Variants in RYR3 observed in about 807,000 individuals in gnomAD.
The protein encoded by RYR3 is ryanodine receptor 3.
Under a neutral mutation model 584.3 loss-of-function variants are expected in RYR3, and 207 were observed. The observed-to-expected ratio is 0.35, with a 90% CI of 0.32 to 0.40. The LOEUF (loss-of-function observed/expected upper bound fraction) is 0.40, where lower values mean the gene tolerates loss of function less well. Among genes scored for constraint, RYR3 ranks in the 10% least tolerant of loss-of-function variants. The pLI is 1.00. For missense variants in RYR3, 5,616 were observed against 6,089.2 expected (o/e 0.92, Z 2.59); for synonymous variants, 2,416 against 2,248.5 (o/e 1.07, Z -2.11).
chr15:33,495,205 A>G (rs375013254), intron 2 of RYR3, among the ~76,000 whole-genome samples: 5 of 152,234 alleles, frequency 3.3e-5, no homozygotes, highest in South Asian at 2.1e-4. Context: ...GGTACACTCA[A>G]TAACGGGGTA....
At chr15:33,817,848 C>G (rs929539603) in intron 75 of RYR3, among the ~76,000 whole-genome samples, 4 of 152,192 alleles carry the variant, frequency 2.6e-5, no homozygotes, top group African/African-American at 9.7e-5. Flanking sequence ...TTCATACAAC[C>G]CATGTAGTTC....
intron 38 of RYR3, among the ~76,000 whole-genome samples, chr15:33,691,891 G>T (rs2065462689): frequency 6.6e-6 from 1 of 152,164 alleles, no homozygotes; most frequent in Non-Finnish European, 1.5e-5. Flanking sequence ...GTTTTACTCA[G>T]CATTGCTTTT....
intron 3 of RYR3, among the ~76,000 whole-genome samples, chr15:33,530,126 G>A (rs936669617): frequency 1.3e-5 from 2 of 152,234 alleles, no homozygotes; most frequent in African/African-American, 4.8e-5. Flanking sequence ...ATTTAAGGGA[G>A]TGGGCAGAAG....
intron 1 of RYR3, among the ~76,000 whole-genome samples, chr15:33,391,341 A>G (rs938791899): frequency 6.6e-6 from 1 of 152,174 alleles, no homozygotes; most frequent in Non-Finnish European, 1.5e-5. Context: ...AGTAGTTAAA[A>G]TTTGGGCCAG....
chr15:33,647,216 A>AGTT (rs2152679105), intron 29 of RYR3, among the ~76,000 whole-genome samples: 1 of 152,294 alleles, frequency 6.6e-6, no homozygotes, highest in Non-Finnish European at 1.5e-5. Flanking sequence ...ATCTGGGCTG[A>AGTT]GGGATAAGAG....
intron 10 of RYR3, among the ~76,000 whole-genome samples, chr15:33,561,244 A>C (rs554765289): frequency 6.6e-6 from 1 of 152,366 alleles, no homozygotes; most frequent in South Asian, 2.1e-4. Flanking sequence ...TGTCGTATAG[A>C]CAAACACATT....
intron 18 of RYR3, among the ~76,000 whole-genome samples, chr15:33,612,338 G>A (rs1567662023): frequency 6.6e-6 from 1 of 152,126 alleles, no homozygotes; most frequent in Non-Finnish European, 1.5e-5. Flanking sequence ...AAACAAATAA[G>A]CAAACTACGT....
intron 2 of RYR3, among the ~76,000 whole-genome samples, chr15:33,483,215 A>AT (rs950099039): frequency 2.6e-5 from 4 of 151,288 alleles, no homozygotes; most frequent in Non-Finnish European, 5.9e-5. Context: ...CATTATTCCC[A>AT]TTTTTTTGGT....
Position 33,865,387 on chromosome 15 carries a change from C to G in RYR3, c.*161C>G. 1 of 600,976 alleles carries G rather than the reference C, an allele frequency of 1.7e-6. No individual in the cohort carries two copies. Among genetic ancestry groups the G allele is most frequent in the Non-Finnish European group, 2.9e-6 (1 of 341,720 alleles). The allele number at this position is 600,976 out of a possible 1,614,324, so 37.2% of individuals were successfully genotyped here. ...CTGTGCTATTTTGAAATTGATTTGG[C>G]TTTTTGTGCCTAATGGACATACACT... On this transcript the variant is annotated 3_prime_UTR_variant, in exon 104 of 104. Coordinates refer to ENST00000634891, the MANE Select transcript of RYR3 (RefSeq NM_001036.6).
At chr15:33,436,767 G>T (rs2045765803) in intron 1 of RYR3, among the ~76,000 whole-genome samples, 1 of 152,084 alleles carries the variant, frequency 6.6e-6, no homozygotes, top group Non-Finnish European at 1.5e-5. Context: ...GCCTCCCAAA[G>T]TGCTGGTATT....
At chr15:33,617,999 G>GA (rs2060537294) in intron 19 of RYR3, among the ~76,000 whole-genome samples, 2 of 152,144 alleles carry the variant, frequency 1.3e-5, no homozygotes, top group South Asian at 4.1e-4. Flanking sequence ...TAGAATTTGG[G>GA]ATGAGGTATA....
intron 102 of RYR3, among the ~76,000 whole-genome samples, chr15:33,863,301 TC>T (rs1319971510): frequency 3.3e-5 from 5 of 152,210 alleles, no homozygotes; most frequent in African/African-American, 1.2e-4. Context: ...CTACTGTCTT[TC>T]TCAGTAAATG....
At chr15:33,490,264 G>A (rs1457619542) in intron 2 of RYR3, among the ~76,000 whole-genome samples, 1 of 152,186 alleles carries the variant, frequency 6.6e-6, no homozygotes, top group Non-Finnish European at 1.5e-5. Context: ...ATTGGTACAA[G>A]AAAGCTGTTT....
chr15:33,603,166 C>G lies in RYR3; in HGVS notation c.1966C>G (p.Gln656Glu), dbSNP rs2059755319. Residue 656 changes from glutamine (Q) to glutamate (E), a missense_variant, in exon 18 of 104, where the codon CAG becomes GAG. This residue lies in a region of RYR3 where 1,284 missense variants were observed against 1,344.6 expected (regional missense o/e 0.95). Coordinates refer to ENST00000634891, the MANE Select transcript of RYR3 (RefSeq NM_001036.6). ...IFLGVAEGSAQYKKWYFELII... is the reference protein window; with the variant it reads ...IFLGVAEGSAEYKKWYFELII... ...CCTGGGAGTCGCGGAGGGCTCAGCC[C>G]AGTACAAGAAGTGGTACTTCGAGCT... 1 of 1,613,868 alleles carries G rather than the reference C, an allele frequency of 6.2e-7. No homozygotes were observed. The highest frequency in any genetic ancestry group is 8.5e-7 in the Non-Finnish European group (1 of 1,179,814).
chr15:33,317,342 G>C (rs79873843), intron 1 of RYR3, among the ~76,000 whole-genome samples: 4,222 of 152,252 alleles, frequency 0.028, 66 homozygotes, highest in Non-Finnish European at 0.037. Flanking sequence ...GGCTGCACCC[G>C]GATGAAGCAG....
intron 100 of RYR3, 24 bp downstream of exon 100, chr15:33,859,755 T>G: frequency 6.3e-7 from 1 of 1,591,920 alleles, no homozygotes; most frequent in South Asian, 1.1e-5. Context: ...TTGTGTTGAG[T>G]ATGAACAGGG....
chr15:33,387,951 A>G (rs575153176), intron 1 of RYR3, among the ~76,000 whole-genome samples: 1 of 150,784 alleles, frequency 6.6e-6, no homozygotes, highest in South Asian at 2.1e-4. Context: ...AAGAGGAGGA[A>G]ATTATAAAAA....
chr15:33,607,302 G>A (rs1260441617), intron 18 of RYR3, among the ~76,000 whole-genome samples: 1 of 152,168 alleles, frequency 6.6e-6, no homozygotes, highest in Non-Finnish European at 1.5e-5. Flanking sequence ...TTGAAGATAT[G>A]CAGCATCTAA....
chr15:33,850,381 C>G (rs1357045464), intron 94 of RYR3: 1 of 133,146 alleles, frequency 7.5e-6, no homozygotes, highest in Non-Finnish European at 1.6e-5. Flanking sequence ...GACTTCATCT[C>G]AAAAAAAAAA....
Sources: gnomAD v4.1 joint callset for allele counts (sites outside exome capture counted in the v4.1 genomes callset) on GRCh38, gnomAD v4.1.1 for gene constraint, gnomAD v4.1.1 regional missense constraint, MANE v1.5 for transcripts, NCBI Gene and HGNC (gene_info 2026-07-23, HGNC 2026-07-21) for gene names.